RBFOX1: variants seen among roughly 807,000 people sequenced by gnomAD.
The protein encoded by RBFOX1 is RNA binding protein fox-1 homolog 1.
In RBFOX1, 8 loss-of-function variants were observed where a neutral mutation model predicts 57.7. The ratio of observed to expected loss-of-function variants is 0.14; its 90% CI spans 0.08 to 0.25. The LOEUF is 0.25. Ranked by LOEUF, RBFOX1 falls within the 10% of genes least tolerant of loss-of-function variation. RBFOX1 has a pLI of 1.00. For missense variants in RBFOX1, 611 were observed against 548.5 expected, an observed-to-expected ratio of 1.11 and a Z score of -1.14; for synonymous variants, 326 against 222.4, an observed-to-expected ratio of 1.47 and a Z score of -4.15.
chr16:6,153,736 A>C lies in RBFOX1; in HGVS notation c.-127+133744A>C, dbSNP rs996224273. ...TTTTTAGTAGAGACAGGGTTTCACC[A>C]TGTTGGCCAGGCTGGTCTCAAACTC... On this transcript the variant is annotated intron_variant, in intron 1 of 15. Coordinates refer to ENST00000550418, the MANE Select transcript of RBFOX1 (RefSeq NM_018723.4). 6.6e-5 allele frequency among the ~76,000 whole-genome samples: 10 copies of C among 152,154 alleles called. 1 individual carries two copies. The South Asian group carries it at 1.2e-3, about 19-fold the overall frequency.
At chr16:7,489,448 A>C (rs1295861991) in intron 4 of RBFOX1, among the ~76,000 whole-genome samples, 2 of 152,124 alleles carry the variant, frequency 1.3e-5, no homozygotes, top group African/African-American at 4.8e-5. Context: ...CTTATGTTGT[A>C]GCTTCTTTTG....
chr16:6,576,475 G>A (rs190343629), intron 2 of RBFOX1, among the ~76,000 whole-genome samples: 115 of 152,214 alleles, frequency 7.6e-4, no homozygotes, highest in African/African-American at 2.7e-3. Flanking sequence ...TCGAAGACCT[G>A]CTGTACTCTG....
chr16:6,206,884 A>G (rs1156473970), intron 1 of RBFOX1, among the ~76,000 whole-genome samples: 1 of 151,884 alleles, frequency 6.6e-6, no homozygotes, highest in Non-Finnish European at 1.5e-5. Context: ...CCCTTTTCTG[A>G]TGCTTCCTTC....
intron 4 of RBFOX1, among the ~76,000 whole-genome samples, chr16:5,879,079 T>C (rs972363768): frequency 2.6e-5 from 4 of 152,160 alleles, no homozygotes; most frequent in Non-Finnish European, 5.9e-5. Flanking sequence ...AGCAGCCAAG[T>C]AGATATTGAG....
At chr16:7,163,049 G>T (rs1029876172) in intron 4 of RBFOX1, among the ~76,000 whole-genome samples, 1 of 152,188 alleles carries the variant, frequency 6.6e-6, no homozygotes, top group Non-Finnish European at 1.5e-5. Flanking sequence ...CACAGAGCAG[G>T]TATTATGCCC....
intron 4 of RBFOX1, among the ~76,000 whole-genome samples, chr16:7,118,998 G>C (rs1244500457): frequency 6.6e-6 from 1 of 152,122 alleles, no homozygotes; most frequent in Non-Finnish European, 1.5e-5. Context: ...AGTCAGTTCT[G>C]TGTGCCAGAG....
chr16:7,509,416 GT>G (rs1567582386), intron 4 of RBFOX1, among the ~76,000 whole-genome samples: 27 of 142,660 alleles, frequency 1.9e-4, no homozygotes, highest in Non-Finnish European at 3.6e-4. Context: ...GTGTGTGTGT[GT>G]GTGTGTGTGT....
At chr16:5,426,690 C>T (rs906421023) in intron 1 of RBFOX1, among the ~76,000 whole-genome samples, 2 of 152,212 alleles carry the variant, frequency 1.3e-5, no homozygotes, top group East Asian at 1.9e-4. Context: ...ACAGCTGCTT[C>T]TTGTGGCTGT....
intron 4 of RBFOX1, among the ~76,000 whole-genome samples, chr16:7,289,117 A>AT (rs1470742320): frequency 6.6e-6 from 1 of 152,238 alleles, no homozygotes; most frequent in Non-Finnish European, 1.5e-5. Flanking sequence ...GCTGTATCAG[A>AT]GAGCCTCCTT....
At chr16:5,590,554 C>A (rs906958774) in intron 2 of RBFOX1, among the ~76,000 whole-genome samples, 1 of 152,038 alleles carries the variant, frequency 6.6e-6, no homozygotes, top group Non-Finnish European at 1.5e-5. Context: ...TCTTGGCTGC[C>A]GTACTGTGAT....
At chr16:6,786,473 A>G (rs1337934198) in intron 3 of RBFOX1, among the ~76,000 whole-genome samples, 1 of 152,170 alleles carries the variant, frequency 6.6e-6, no homozygotes, top group African/African-American at 2.4e-5. Context: ...GAAAAATAAC[A>G]ACAAAGAGCT....
intron 4 of RBFOX1, among the ~76,000 whole-genome samples, chr16:7,155,706 A>AAG (rs1372170043): frequency 3.2e-5 from 2 of 62,582 alleles, no homozygotes; most frequent in African/African-American, 1.7e-4. Flanking sequence ...ACCAAAAAAA[A>AAG]AAAAAAATAT....
chr16:6,939,975 T>C (rs1433812659), intron 3 of RBFOX1, among the ~76,000 whole-genome samples: 2 of 152,222 alleles, frequency 1.3e-5, no homozygotes, highest in Non-Finnish European at 2.9e-5. Flanking sequence ...ATTTAAAGTT[T>C]GTATAATTTA....
At chr16:5,553,937 TATA>T (rs1386601458) in intron 2 of RBFOX1, among the ~76,000 whole-genome samples, 1 of 151,816 alleles carries the variant, frequency 6.6e-6, no homozygotes, top group African/African-American at 2.4e-5. Context: ...AGACATGTCT[TATA>T]ATAATCAATA....
At chr16:7,439,386 C>T (rs141842737) in intron 4 of RBFOX1, among the ~76,000 whole-genome samples, 241 of 151,974 alleles carry the variant, frequency 1.6e-3, no homozygotes, top group African/African-American at 5.7e-3. Context: ...AAAAATCCAG[C>T]CTCACCTTTC....
At chr16:6,067,303 C>G (rs1033639589) in intron 1 of RBFOX1, among the ~76,000 whole-genome samples, 1 of 152,132 alleles carries the variant, frequency 6.6e-6, no homozygotes, top group Non-Finnish European at 1.5e-5. Flanking sequence ...AAAAGCCAAA[C>G]ACTTTTTCAG....
At chr16:6,304,212 C>G (rs118077863) in intron 1 of RBFOX1, among the ~76,000 whole-genome samples, 9,954 of 151,698 alleles carry the variant, frequency 0.066, 365 homozygotes, top group South Asian at 0.095. Context: ...CACTTGAACC[C>G]AAGAGGCGGA....
At position 5,696,134 on chromosome 16, in the gene RBFOX1, A is replaced by G. The variant is rs74004498; in HGVS notation, c.318+97173A>G. On this transcript the variant is annotated intron_variant, in intron 3 of 19. Transcript: ENST00000641259. Reference sequence around the variant, plus strand: ...CCTGTAGTCACCTTTTAGCATTATTATGTTTTAATATTATTTTATATTTGC... The same window carrying G: ...CCTGTAGTCACCTTTTAGCATTATTGTGTTTTAATATTATTTTATATTTGC... Among the ~76,000 whole-genome samples, 760 of 152,316 alleles carry G rather than the reference A, an allele frequency of 5.0e-3. 5 individuals carry two copies. The highest frequency in any genetic ancestry group is 0.016 in the African/African-American group (664 of 41,580).
intron 5 of RBFOX1, among the ~76,000 whole-genome samples, chr16:7,530,176 G>A (rs577861716): frequency 6.6e-6 from 1 of 152,216 alleles, no homozygotes; most frequent in Non-Finnish European, 1.5e-5. Context: ...TACGAATGAT[G>A]CTCAGGTTCA....
Sources: allele counts gnomAD v4.1 joint callset (sites outside exome capture counted in the v4.1 genomes callset), GRCh38; gene constraint gnomAD v4.1.1; transcripts MANE v1.5; gene names NCBI Gene and HGNC (gene_info 2026-07-23, HGNC 2026-07-21).